Variants in EPS8 observed in about 807,000 individuals in gnomAD.
EPS8 encodes EGFR pathway substrate 8, signaling adaptor.
EPS8 carries 42 observed loss-of-function variants against 103.8 expected under a neutral mutation model. The observed-to-expected ratio is 0.40, with a 90% CI of 0.32 to 0.52. EPS8 has a LOEUF of 0.52. Ranked by LOEUF, EPS8 falls within the 20% of genes least tolerant of loss-of-function variation. The pLI, the probability that EPS8 is intolerant of heterozygous loss-of-function variation, is 0.40. For synonymous variants in EPS8, 344 were observed against 344.6 expected, an observed-to-expected ratio of 1.00 and a Z score of 0.02; for missense variants, 969 against 1,005.1, an observed-to-expected ratio of 0.96 and a Z score of 0.49.
chr12:15,650,854 C>T lies in EPS8; in HGVS notation c.1403G>A (p.Arg468His), dbSNP rs748350706. Reference protein sequence around the residue: ...ESVANVAEHQRKQEIKRLSTE... With the variant: ...ESVANVAEHQHKQEIKRLSTE... The stretch of plus-strand genomic sequence containing the variant: ...GGATAATCTTTTTATTTCCTGTTTG[C>T]GCTGATGTTCTGCTACATTTGCCAC... Residue 468 changes from arginine to histidine, a missense_variant, in exon 14 of 21, where the codon CGC becomes CAC. Arg to His is a conservative substitution (Grantham distance 29). Coordinates refer to ENST00000281172, the MANE Select transcript of EPS8 (RefSeq NM_004447.6). 1.1e-5 allele frequency: 17 copies of T among 1,613,650 alleles called. No homozygotes were observed. The highest frequency in any genetic ancestry group is 1.7e-4 in the Middle Eastern group (1 of 6,060).
chr12:15,662,999 C>A (rs1246539883), intron 8 of EPS8, among the ~76,000 whole-genome samples: 440 of 127,954 alleles, frequency 3.4e-3, no homozygotes, highest in Non-Finnish European at 4.1e-3. Flanking sequence ...CACTTGCCAA[C>A]AAAAAAAAAA....
rs1947055254 is a variant in EPS8 at position 15,762,779 on chromosome 12, G to C, written c.-22+26382C>G. Reference sequence around the variant, plus strand: ...AGGATGGTTACCAGAGGCTGGGAAGGTGAAGTGGGGATATGGTTAATGAGT... The same window carrying C: ...AGGATGGTTACCAGAGGCTGGGAAGCTGAAGTGGGGATATGGTTAATGAGT... On this transcript the variant is annotated intron_variant, in intron 1 of 20. Transcript: ENST00000281172. The surrounding 1 kb of genome is among the most constrained non-coding windows in gnomAD (Gnocchi z 4.8). Among the ~76,000 whole-genome samples the C allele has an allele frequency of 1.3e-5, 2 of 152,158 alleles. No individual in the cohort carries two copies. The highest frequency in any genetic ancestry group is 4.1e-4 in the South Asian group (2 of 4,824).
Position 15,658,379 on chromosome 12 carries a change from C to G in EPS8, c.1026+118G>C, listed in dbSNP as rs748624074. On this transcript the variant is annotated intron_variant, in intron 11 of 20. Transcript: ENST00000281172. ...AACTGAAGGCAAATCAAAACATACA[C>G]ACCCCCACAAAATCTATAAAAACAA... The G allele has an allele frequency of 6.6e-4, 515 of 778,648 alleles. 1 individual carries two copies. The highest frequency in any genetic ancestry group is 9.8e-4 in the Non-Finnish European group (468 of 478,914). 48.2% of individuals were successfully genotyped at this position (778,648 alleles called of 1,614,324 possible). A position where few individuals can be genotyped will look rare whatever the true frequency, so the allele number is the denominator to read the frequency against.
At position 15,787,122 on chromosome 12, in the gene EPS8, A is replaced by G. The variant is rs1947319645; in HGVS notation, c.-22+2039T>C. Among the ~76,000 whole-genome samples the G allele has an allele frequency of 6.6e-6, 1 of 152,168 alleles. No homozygotes were observed. On this transcript the variant is annotated intron_variant, in intron 1 of 20. Transcript: ENST00000281172. This position sits in a 1 kb window ranked among gnomAD's most constrained non-coding sequence, Gnocchi z 4.9. ...AACTTTTAAAAACCTATCATTTCCT[A>G]TTCTGGATACTATGTTTTCTTATAC...
At position 15,675,466 on chromosome 12, in the gene EPS8, G is replaced by A. The variant is rs1945886942; in HGVS notation, c.137-4543C>T. On this transcript the variant is annotated intron_variant, in intron 3 of 20. Coordinates refer to ENST00000281172, the MANE Select transcript of EPS8 (RefSeq NM_004447.6). ...AATACCAAAATTAGCCAGGTGTGGT[G>A]GCACACGCCTATAATCTCAGCTACT... 2.0e-5 allele frequency among the ~76,000 whole-genome samples: 3 copies of A among 152,308 alleles called. No individual in the cohort carries two copies. The South Asian group carries it at 6.2e-4, about 32-fold the overall frequency.
chr12:15,758,040 C>T (rs1160664486), intron 1 of EPS8, among the ~76,000 whole-genome samples: 3 of 152,188 alleles, frequency 2.0e-5, no homozygotes. Flanking sequence ...CATCTTCACA[C>T]CGCCTAGGCT....
At position 15,721,795 on chromosome 12, in the gene EPS8, T is replaced by C. The variant is rs1946598617; in HGVS notation, c.-21-38823A>G. On this transcript the variant is annotated intron_variant, in intron 1 of 20. Coordinates refer to ENST00000281172, the MANE Select transcript of EPS8 (RefSeq NM_004447.6). This position sits in a 1 kb window ranked among gnomAD's most constrained non-coding sequence, Gnocchi z 4.4. ...TCATTCAGCACCAAATATCAGACTT[T>C]TTAAAATTTTTATTATATATTATAA... Among the ~76,000 whole-genome samples, 1 of 151,754 alleles carries C rather than the reference T, an allele frequency of 6.6e-6. No homozygotes were observed. The highest frequency in any genetic ancestry group is 1.5e-5 in the Non-Finnish European group (1 of 67,924).
chr12:15,676,715 A>T (rs1945915206), intron 3 of EPS8, among the ~76,000 whole-genome samples: 1 of 152,076 alleles, frequency 6.6e-6, no homozygotes, highest in Non-Finnish European at 1.5e-5. Flanking sequence ...ACAGTAGCTA[A>T]GTAAAATGTT....
At chr12:15,623,395 T>G in intron 19 of EPS8, 108 bp from the exon 20 acceptor site, 2 of 972,720 alleles carry the variant, frequency 2.1e-6, no homozygotes, top group Non-Finnish European at 3.0e-6. Flanking sequence ...AAGCGTTCCA[T>G]ACCCTGGAAC....
intron 1 of EPS8, among the ~76,000 whole-genome samples, chr12:15,737,596 A>G (rs1201351435): frequency 6.6e-6 from 1 of 152,188 alleles, no homozygotes; most frequent in African/African-American, 2.4e-5. Context: ...AACAGATGAT[A>G]AAATTGAGGC....
chr12:15,723,383 T>C (rs978572193), intron 1 of EPS8, among the ~76,000 whole-genome samples: 1 of 152,216 alleles, frequency 6.6e-6, no homozygotes, highest in Non-Finnish European at 1.5e-5. Flanking sequence ...GTAGTGATGG[T>C]ATCCTTTCTT....
intron 1 of EPS8, among the ~76,000 whole-genome samples, chr12:15,756,443 A>C (rs1946986973): frequency 6.6e-6 from 1 of 152,230 alleles, no homozygotes; most frequent in Non-Finnish European, 1.5e-5. Flanking sequence ...TCAGAACCAA[A>C]TAAACAAACA....
chr12:15,685,687 C>T (rs1168708740), intron 1 of EPS8, among the ~76,000 whole-genome samples: 4 of 152,134 alleles, frequency 2.6e-5, no homozygotes, highest in African/African-American at 4.8e-5. Flanking sequence ...TCACTTATCA[C>T]GGCGGCTCAT....
rs941103414 is a variant in EPS8 at position 15,776,585 on chromosome 12, G to A, written c.-22+12576C>T. 6.6e-5 allele frequency among the ~76,000 whole-genome samples: 10 copies of A among 152,116 alleles called. No homozygotes were observed. The highest frequency in any genetic ancestry group is 2.4e-4 in the African/African-American group (10 of 41,420). ...AGCTAGAAATGTCTGGCTCAATCTCGCAAGAATAGGAATTTCCACATTCAG... is the reference window on the plus strand; with the variant it reads ...AGCTAGAAATGTCTGGCTCAATCTCACAAGAATAGGAATTTCCACATTCAG... On this transcript the variant is annotated intron_variant, in intron 1 of 20. Transcript: ENST00000281172. The surrounding 1 kb of genome is among the most constrained non-coding windows in gnomAD (Gnocchi z 4.2).
intron 3 of EPS8, among the ~76,000 whole-genome samples, chr12:15,674,046 A>C (rs1290315550): frequency 7.2e-5 from 11 of 152,210 alleles, no homozygotes. Context: ...TATTGCAAAA[A>C]TTGATATTCA....
intron 1 of EPS8, among the ~76,000 whole-genome samples, chr12:15,742,573 T>G (rs1433957059): frequency 6.6e-6 from 1 of 152,182 alleles, no homozygotes; most frequent in African/African-American, 2.4e-5. Context: ...ACAATCAAGT[T>G]GGCTTCATCC....
rs1325335279 is a variant in EPS8 at position 15,769,987 on chromosome 12, T to C, written c.-22+19174A>G. Among the ~76,000 whole-genome samples the C allele has an allele frequency of 6.6e-6, 1 of 151,164 alleles. No individual in the cohort carries two copies. Among genetic ancestry groups the C allele is most frequent in the African/African-American group, 2.4e-5 (1 of 41,184 alleles). ...GACTAGGGTCTCGCTCTTTCACCCA[T>C]GCTGCAGTGTAGTGGCATGATCTTG... On this transcript the variant is annotated intron_variant, in intron 1 of 20. Coordinates refer to ENST00000281172, the MANE Select transcript of EPS8 (RefSeq NM_004447.6). This position sits in a 1 kb window ranked among gnomAD's most constrained non-coding sequence, Gnocchi z 4.6.
intron 1 of EPS8, among the ~76,000 whole-genome samples, chr12:15,711,938 T>C (rs1270637043): frequency 6.6e-6 from 1 of 152,174 alleles, no homozygotes; most frequent in Non-Finnish European, 1.5e-5. Flanking sequence ...TTATTTTTGC[T>C]CTCTATCTAG....
intron 20 of EPS8, among the ~76,000 whole-genome samples, chr12:15,622,909 A>C (rs1944883478): frequency 6.6e-6 from 1 of 152,204 alleles, no homozygotes; most frequent in Non-Finnish European, 1.5e-5. Flanking sequence ...AATACATATA[A>C]AATGAGAACA....
Sources: allele counts gnomAD v4.1 joint callset (sites outside exome capture counted in the v4.1 genomes callset), GRCh38; gene constraint gnomAD v4.1.1; non-coding constraint Gnocchi (gnomAD v3.1); transcripts MANE v1.5; gene names NCBI Gene and HGNC (gene_info 2026-07-23, HGNC 2026-07-21).